Variants in TAB2 observed in about 807,000 individuals in gnomAD.
The protein encoded by TAB2 is TGF-beta-activated kinase 1 and MAP3K7-binding protein 2.
A neutral mutation model predicts 65.0 loss-of-function variants in TAB2; 3 were observed. The ratio of observed to expected loss-of-function variants is 0.05; its 90% confidence interval spans 0.02 to 0.12. The LOEUF (loss-of-function observed/expected upper bound fraction) is 0.12, where lower values mean the gene tolerates loss of function less well. Among genes scored for constraint, TAB2 ranks in the 10% least tolerant of loss-of-function variants. TAB2 has a pLI of 1.00. For synonymous variants in TAB2, 298 were observed against 285.1 expected (o/e 1.05, Z -0.46); for missense variants, 623 against 840.3 (o/e 0.74, Z 3.20).
chr6:149,262,596 G>C (rs1263120975), intron 1 of TAB2, among the ~76,000 whole-genome samples: 1 of 151,658 alleles, frequency 6.6e-6, no homozygotes, highest in Non-Finnish European at 1.5e-5. Context: ...GGAGCTAATA[G>C]CCAGGACCTT....
intron 1 of TAB2, among the ~76,000 whole-genome samples, chr6:149,264,118 G>A (rs1268876017): frequency 6.6e-6 from 1 of 152,204 alleles, no homozygotes; most frequent in Admixed American, 6.5e-5. Context: ...GAATGGGCAG[G>A]TAGCGCTGGT....
At chr6:149,400,309 C>T in intron 6 of TAB2, 1 of 1,480,812 alleles carries the variant, frequency 6.8e-7, no homozygotes, top group Non-Finnish European at 9.2e-7. Flanking sequence ...TCCTGCTGCT[C>T]TTCCTGCTGC....
At chr6:149,238,602 G>A (rs986041154) in intron 1 of TAB2, among the ~76,000 whole-genome samples, 11 of 152,052 alleles carry the variant, frequency 7.2e-5, no homozygotes, top group African/African-American at 1.2e-4. Context: ...ATGGCTCCCC[G>A]GCTCCTCCAA....
chr6:149,241,075 G>A (rs929590718), intron 1 of TAB2, among the ~76,000 whole-genome samples: 9 of 152,164 alleles, frequency 5.9e-5, no homozygotes, highest in Non-Finnish European at 1.2e-4. Context: ...CAAAAAAGAG[G>A]TTGTGTAAGG....
chr6:149,247,608 T>A (rs946266954), intron 1 of TAB2: 1 of 152,256 alleles, frequency 6.6e-6, no homozygotes, highest in African/African-American at 2.4e-5. Context: ...CTTGATTGTA[T>A]CCTTTTTGCA....
chr6:149,364,040 C>T (rs1352130812), intron 1 of TAB2, among the ~76,000 whole-genome samples: 1 of 152,184 alleles, frequency 6.6e-6, no homozygotes, highest in Non-Finnish European at 1.5e-5. Flanking sequence ...TACATTTTTA[C>T]TTCCTAAATA....
upstream of TAB2, among the ~76,000 whole-genome samples, chr6:149,316,194 C>T (rs908714101): frequency 6.6e-6 from 1 of 152,186 alleles, no homozygotes; most frequent in Non-Finnish European, 1.5e-5. Context: ...TTTACTTTTG[C>T]TTCTCTTAAT....
chr6:149,225,140 C>T (rs1452410953), intron 1 of TAB2, among the ~76,000 whole-genome samples: 1 of 152,212 alleles, frequency 6.6e-6, no homozygotes, highest in African/African-American at 2.4e-5. Flanking sequence ...ACTGACTCTG[C>T]TTTCAGGAGC....
upstream of TAB2, among the ~76,000 whole-genome samples, chr6:149,314,865 CTTTTTTT>C (rs57785399): frequency 1.4e-5 from 2 of 143,318 alleles, no homozygotes; most frequent in Admixed American, 1.4e-4. Context: ...GGAACTATAT[CTTTTTTT>C]TTTTTTTTTC....
intron 1 of TAB2, among the ~76,000 whole-genome samples, chr6:149,356,673 T>C (rs1583118421): frequency 1.3e-5 from 2 of 152,276 alleles, no homozygotes; most frequent in South Asian, 2.1e-4. Flanking sequence ...ACTGTCATCT[T>C]GGGGGATAGG....
chr6:149,391,297 T>C (rs990104849), intron 3 of TAB2, among the ~76,000 whole-genome samples: 3 of 152,092 alleles, frequency 2.0e-5, no homozygotes, highest in African/African-American at 7.2e-5. Context: ...TCTTTAGTAG[T>C]CTGAAATTTT....
At chr6:149,321,161 A>T (rs891069159) in intron 1 of TAB2, 4 of 152,212 alleles carry the variant, frequency 2.6e-5, no homozygotes, top group African/African-American at 7.2e-5. Context: ...GAACCTTTTC[A>T]TAGGTTCTGA....
At chr6:149,293,887 A>C (rs1339450380) in intron 1 of TAB2, among the ~76,000 whole-genome samples, 1 of 152,192 alleles carries the variant, frequency 6.6e-6, no homozygotes, top group Non-Finnish European at 1.5e-5. Context: ...CCAATATATA[A>C]TGTTATAAAA....
At chr6:149,276,070 C>G (rs563475188) in intron 1 of TAB2, among the ~76,000 whole-genome samples, 1 of 152,128 alleles carries the variant, frequency 6.6e-6, no homozygotes, top group East Asian at 1.9e-4. Context: ...GTAACAAATA[C>G]GCCACACCAG....
chr6:149,382,172 C>CT (rs1197869673), intron 3 of TAB2, among the ~76,000 whole-genome samples: 1 of 152,242 alleles, frequency 6.6e-6, no homozygotes, highest in Admixed American at 6.5e-5. Context: ...TCCTGGCCTT[C>CT]TTACTCTCTT....
At chr6:149,358,619 T>C (rs1048516017) in intron 1 of TAB2, among the ~76,000 whole-genome samples, 3 of 141,098 alleles carry the variant, frequency 2.1e-5, no homozygotes, top group Non-Finnish European at 1.6e-5. Context: ...CAGATTTCTT[T>C]TTATTTTTCT....
At chr6:149,354,148 A>T (rs771951214) in intron 1 of TAB2, among the ~76,000 whole-genome samples, 1 of 152,154 alleles carries the variant, frequency 6.6e-6, no homozygotes, top group Non-Finnish European at 1.5e-5. Context: ...CTGCTATCCA[A>T]AGTGTAATCA....
chr6:149,255,974 C>T (rs1469380894), intron 1 of TAB2, among the ~76,000 whole-genome samples: 1 of 152,154 alleles, frequency 6.6e-6, no homozygotes, highest in East Asian at 1.9e-4. Context: ...TCATGAGACC[C>T]AGTTCTCTGG....
chr6:149,351,946 G>A (rs1191670702), intron 1 of TAB2, among the ~76,000 whole-genome samples: 1 of 152,134 alleles, frequency 6.6e-6, no homozygotes, highest in Admixed American at 6.5e-5. Context: ...CATGGCTAAG[G>A]TAGAATACTG....
Sources: gnomAD v4.1 joint callset for allele counts (sites outside exome capture counted in the v4.1 genomes callset) on GRCh38, gnomAD v4.1.1 for gene constraint, MANE v1.5 for transcripts, NCBI Gene and HGNC (gene_info 2026-07-23, HGNC 2026-07-21) for gene names.